Variants in MCF2L2 observed in about 807,000 individuals in gnomAD.
MCF2L2 encodes MCF.2 cell line derived transforming sequence-like 2, also known as probable guanine nucleotide exchange factor MCF2L2.
In MCF2L2, 102 loss-of-function variants were observed where a neutral mutation model predicts 150.2. That is an observed-to-expected ratio of 0.68 (90% CI 0.58 to 0.80). MCF2L2 has a LOEUF of 0.80. Ranked by LOEUF, MCF2L2 falls within the 30% of genes least tolerant of loss-of-function variation. The pLI is 0.00. For synonymous variants in MCF2L2, 465 were observed against 491.3 expected (o/e 0.95, Z 0.71); for missense variants, 1,256 against 1,372.8 (o/e 0.91, Z 1.34).
chr3:183,179,383 G>A lies in MCF2L2; in HGVS notation c.3342C>T (p.Ser1114=). 1.3e-6 allele frequency: 2 copies of A among 1,513,800 alleles called. No homozygotes were observed. Among genetic ancestry groups the A allele is most frequent in the Non-Finnish European group, 1.8e-6 (2 of 1,131,138 alleles). The allele number at this position is 1,513,800 out of a possible 1,614,324, so 93.8% of individuals were successfully genotyped here. ...AGCGGGGGCGTCCGCAGGGAGGTCA[G>A]CTCTCCTGGGCGGAGGTCCTCGGGC... ...ALRPRTSAQE[S] Residue 1114 remains serine (S), a synonymous_variant, in exon 30 of 30, where the codon AGC becomes AGT. Coordinates refer to ENST00000328913, the MANE Select transcript of MCF2L2 (RefSeq NM_015078.4). This position sits in a 1 kb window ranked among gnomAD's most constrained non-coding sequence, Gnocchi z 4.2.
intron 15 of MCF2L2, among the ~76,000 whole-genome samples, chr3:183,245,623 A>C (rs1724216984): frequency 6.6e-6 from 1 of 152,180 alleles, no homozygotes; most frequent in South Asian, 2.1e-4. Flanking sequence ...GTCTCAATAC[A>C]GTCCTGAGGG....
intron 1 of MCF2L2, among the ~76,000 whole-genome samples, chr3:183,412,127 A>G (rs1715344322): frequency 1.3e-5 from 2 of 152,186 alleles, no homozygotes; most frequent in Admixed American, 6.5e-5. Flanking sequence ...AGTTTTCTTA[A>G]ATGCATACAA....
intron 3 of MCF2L2, among the ~76,000 whole-genome samples, chr3:183,347,557 A>G (rs4859112): frequency 0.26 from 38,915 of 152,074 alleles, 7,178 homozygotes; most frequent in African/African-American, 0.52. Flanking sequence ...TGACAAATGG[A>G]ATCTAACTAA....
chr3:183,243,672 A>G (rs2108685001), intron 15 of MCF2L2, among the ~76,000 whole-genome samples: 1 of 152,356 alleles, frequency 6.6e-6, no homozygotes, highest in East Asian at 1.9e-4. Flanking sequence ...TATTATGTAT[A>G]GAGTCATTAA....
chr3:183,318,519 TTC>T (rs1388124941), intron 6 of MCF2L2, among the ~76,000 whole-genome samples: 7 of 152,212 alleles, frequency 4.6e-5, no homozygotes, highest in Admixed American at 2.6e-4. Flanking sequence ...AGTTCTAACT[TTC>T]TGAGTCTCTC....
intron 3 of MCF2L2, among the ~76,000 whole-genome samples, chr3:183,351,197 T>C (rs1731105926): frequency 2.1e-5 from 1 of 48,124 alleles, no homozygotes; most frequent in Middle Eastern, 7.6e-3. Flanking sequence ...TAAGTATATA[T>C]ATATATATAT....
rs761142616 is a variant in MCF2L2 at position 183,228,314 on chromosome 3, G to A, written c.2098C>T (p.His700Tyr). Residue 700 changes from histidine (H) to tyrosine (Y), a missense_variant, in exon 18 of 30, where the codon CAT (histidine) becomes TAT (tyrosine). Physicochemically the swap from His to Tyr is moderately conservative, Grantham distance 83. Transcript: ENST00000328913. ...AGACTTACTCTCTTGAGAAAGCAAT[G>A]TGCCAGAAGTTCAGGGTTCTCAGCA... ...KCAENPELLA[H>Y]CFLKRKEDLQ... is the part of the protein sequence containing the mutation. 7 of 1,613,254 alleles carry A rather than the reference G, an allele frequency of 4.3e-6. No individual in the cohort carries two copies. Among genetic ancestry groups the A allele is most frequent in the Non-Finnish European group, 1.7e-6 (2 of 1,179,462 alleles).
Position 183,238,797 on chromosome 3 carries a change from A to G in MCF2L2, c.1863-7780T>C, listed in dbSNP as rs548313079. 1.9e-3 allele frequency among the ~76,000 whole-genome samples: 281 copies of G among 151,100 alleles called. 1 individual carries two copies. The highest frequency in any genetic ancestry group is 3.3e-3 in the Non-Finnish European group (222 of 67,686). ...CGGATCACGAGGTCAGGAGATGTAGACCATCCTGGCTAACACGGTGAAACC... is the reference window on the plus strand; with the variant it reads ...CGGATCACGAGGTCAGGAGATGTAGGCCATCCTGGCTAACACGGTGAAACC... On this transcript the variant is annotated intron_variant, in intron 15 of 29. Coordinates refer to ENST00000328913, the MANE Select transcript of MCF2L2 (RefSeq NM_015078.4).
chr3:183,291,553 A>C (rs1234612364), intron 13 of MCF2L2, among the ~76,000 whole-genome samples: 1 of 152,248 alleles, frequency 6.6e-6, no homozygotes, highest in Non-Finnish European at 1.5e-5. Context: ...TCCAGCTAAC[A>C]AGAGTCAGAG....
intron 6 of MCF2L2, 55 bp downstream of exon 6, chr3:183,323,180 C>A: frequency 7.8e-7 from 1 of 1,280,624 alleles, no homozygotes; most frequent in Non-Finnish European, 1.1e-6. Context: ...TCCCCCACCC[C>A]ATCTTCCAGA....
rs140521017 is a variant in MCF2L2 at position 183,386,348 on chromosome 3, A to T, written c.160+3348T>A. Among the ~76,000 whole-genome samples, 557 of 152,336 alleles carry T rather than the reference A, an allele frequency of 3.7e-3. 6 individuals are homozygous for T. The highest frequency in any genetic ancestry group is 0.013 in the African/African-American group (528 of 41,586). On this transcript the variant is annotated intron_variant, in intron 2 of 29. Coordinates refer to ENST00000328913, the MANE Select transcript of MCF2L2 (RefSeq NM_015078.4). The stretch of plus-strand genomic sequence containing the variant: ...GCAGGTGTCTTCCAACGTCAGAGCT[A>T]CCAGAGGCCCCAGCCCTGGTCAATA...
chr3:183,242,549 G>A (rs1295263122), intron 15 of MCF2L2, among the ~76,000 whole-genome samples: 1 of 152,254 alleles, frequency 6.6e-6, no homozygotes. Flanking sequence ...TGGCTTACAC[G>A]TAGTGTTGGG....
intron 3 of MCF2L2, 101 bp downstream of exon 3, chr3:183,379,196 C>T (rs1713369484): frequency 1.3e-6 from 1 of 774,472 alleles, no homozygotes; most frequent in South Asian, 2.0e-5. Flanking sequence ...TACCAGGGTA[C>T]ACCATGCTCA....
At chr3:183,268,500 T>G in intron 15 of MCF2L2, among the ~76,000 whole-genome samples, 1 of 149,220 alleles carries the variant, frequency 6.7e-6, no homozygotes, top group African/African-American at 2.6e-5. Flanking sequence ...ATAATGGAAG[T>G]GGAGAAAATG....
intron 21 of MCF2L2, 24 bp from the exon 22 acceptor site, chr3:183,216,118 G>A: frequency 6.2e-7 from 1 of 1,609,506 alleles, no homozygotes; most frequent in Non-Finnish European, 8.5e-7. Flanking sequence ...ATGCCTTGTT[G>A]GAAATCAAAA....
chr3:183,371,295 GGCACA>G (rs1490684708), intron 3 of MCF2L2, among the ~76,000 whole-genome samples: 1 of 152,140 alleles, frequency 6.6e-6, no homozygotes, highest in Non-Finnish European at 1.5e-5. Flanking sequence ...AGGTGCTGGA[GGCACA>G]GCTTGCTCTT....
chr3:183,291,753 G>A (rs1728160331), intron 13 of MCF2L2, among the ~76,000 whole-genome samples: 1 of 152,212 alleles, frequency 6.6e-6, no homozygotes, highest in South Asian at 2.1e-4. Flanking sequence ...TCTGCAAAAC[G>A]AGCTAGTTGT....
At chr3:183,342,347 A>G (rs190611728) in intron 3 of MCF2L2, among the ~76,000 whole-genome samples, 38 of 152,332 alleles carry the variant, frequency 2.5e-4, no homozygotes, top group African/African-American at 8.2e-4. Flanking sequence ...GCCACTTACT[A>G]GCAGTGACAC....
intron 4 of MCF2L2, among the ~76,000 whole-genome samples, chr3:183,341,017 G>T (rs778127058): frequency 6.6e-6 from 1 of 152,192 alleles, no homozygotes; most frequent in African/African-American, 2.4e-5. Flanking sequence ...CTCAGACAAG[G>T]ATTTAAGTAC....
Sources: gnomAD v4.1 joint callset for allele counts (sites outside exome capture counted in the v4.1 genomes callset) on GRCh38, gnomAD v4.1.1 for gene constraint, Gnocchi (gnomAD v3.1) non-coding constraint, MANE v1.5 for transcripts, NCBI Gene and HGNC (gene_info 2026-07-23, HGNC 2026-07-21) for gene names.